Variants in YIPF4 observed in about 807,000 individuals in gnomAD.
YIPF4 encodes Yip1 domain family member 4.
Under a neutral mutation model 29.4 loss-of-function variants are expected in YIPF4, and 18 were observed. That is an observed-to-expected ratio of 0.61 (90% confidence interval 0.42 to 0.91). The LOEUF (loss-of-function observed/expected upper bound fraction) is 0.91, where lower values mean the gene tolerates loss of function less well. Ranked by LOEUF, YIPF4 falls within the 40% of genes least tolerant of loss-of-function variation. YIPF4 has a pLI of 0.00. For synonymous variants in YIPF4, 115 were observed against 104.7 expected (o/e 1.10, Z -0.60); for missense variants, 279 against 282.7 (o/e 0.99, Z 0.09).
At position 32,279,171 on chromosome 2, in the gene YIPF4, G is replaced by T. The variant is rs370064639; in HGVS notation, c.79+937G>T. On this transcript the variant is annotated intron_variant, in intron 1 of 5. Coordinates refer to ENST00000238831, the MANE Select transcript of YIPF4 (RefSeq NM_032312.4). ...TTTTTAGTAGAGATGAGGTTTCACCGTGTTAGCCATGATGGTCTCTCGATC... is the reference window on the plus strand; with the variant it reads ...TTTTTAGTAGAGATGAGGTTTCACCTTGTTAGCCATGATGGTCTCTCGATC... Among the ~76,000 whole-genome samples the T allele has an allele frequency of 2.0e-5, 3 of 151,858 alleles. No homozygotes were observed. In the South Asian group the frequency reaches 6.2e-4, roughly 32 times the overall value.
chr2:32,300,098 C>G (rs376974204), intron 4 of YIPF4, among the ~76,000 whole-genome samples: 2 of 151,888 alleles, frequency 1.3e-5, no homozygotes, highest in East Asian at 3.9e-4. Context: ...GAAACCCCAT[C>G]CCTACTAAAA....
chr2:32,300,447 A>AT (rs2031365439), intron 4 of YIPF4, among the ~76,000 whole-genome samples: 3 of 151,038 alleles, frequency 2.0e-5, no homozygotes. Context: ...AAAAAAAAAA[A>AT]AAAAAAAAGA....
At chr2:32,287,937 A>G (rs892699313) in intron 1 of YIPF4, among the ~76,000 whole-genome samples, 18 of 152,214 alleles carry the variant, frequency 1.2e-4, no homozygotes, top group African/African-American at 4.3e-4. Context: ...GAATTAACCT[A>G]AAATTCATGT....
rs559258629 is a variant in YIPF4 at position 32,293,224 on chromosome 2, A to T, written c.405+876A>T. On this transcript the variant is annotated intron_variant, in intron 3 of 5. Transcript: ENST00000238831. ...ACAAAGGTCTCTGGTTTTCCTAGGCAGAGGACCCTGCGGCCTTCTGCAGTG... is the reference window on the plus strand; with the variant it reads ...ACAAAGGTCTCTGGTTTTCCTAGGCTGAGGACCCTGCGGCCTTCTGCAGTG... Among the ~76,000 whole-genome samples, 112 of 152,284 alleles carry T rather than the reference A, an allele frequency of 7.4e-4. 1 individual carries two copies. The East Asian group carries it at 0.013, about 18-fold the overall frequency.
In YIPF4 at chr2:32,292,310, C is replaced by A; in HGVS notation, c.367C>A (p.Leu123Ile). Reference protein sequence around the residue: ...PDFWGPLAVVLFFSMISLYGQ... With the variant: ...PDFWGPLAVVIFFSMISLYGQ... ...CTTTTGGGGTCCTCTGGCTGTTGTTCTTTTCTTTTCCATGATATCATTATA... is the reference window on the plus strand; with the variant it reads ...CTTTTGGGGTCCTCTGGCTGTTGTTATTTTCTTTTCCATGATATCATTATA... Residue 123 changes from leucine to isoleucine, a missense_variant, in exon 3 of 6, where the codon CTT becomes ATT. Physicochemically the swap from Leu to Ile is conservative, Grantham distance 5 (BLOSUM62 2). Transcript: ENST00000238831. The A allele has an allele frequency of 6.3e-7, 1 of 1,599,308 alleles. No individual in the cohort carries two copies. The highest frequency in any genetic ancestry group is 8.5e-7 in the Non-Finnish European group (1 of 1,172,988).
rs2031663356 is a variant in YIPF4, at chr2:32,309,188, T to C, written c.*3562T>C. On this transcript the variant is annotated 3_prime_UTR_variant, in exon 6 of 6. Transcript: ENST00000238831. ...GTAATAATGTGTCCATTTCCAGGAA[T>C]TCCCCAAATACTCATACAGCCATTG... The C allele has an allele frequency of 6.6e-6, 1 of 152,136 alleles. No individual in the cohort carries two copies. The highest frequency in any genetic ancestry group is 1.5e-5 in the Non-Finnish European group (1 of 68,022). The allele number at this position is 152,136 out of a possible 1,614,324, so 9.4% of individuals were successfully genotyped here. A position where few individuals can be genotyped will look rare whatever the true frequency, so the allele number is the denominator to read the frequency against.
intron 4 of YIPF4, among the ~76,000 whole-genome samples, chr2:32,299,199 A>T (rs2031306574): frequency 6.6e-6 from 1 of 152,206 alleles, no homozygotes; most frequent in South Asian, 2.1e-4. Context: ...AGAAATTCTC[A>T]AACTTTGATC....
At position 32,311,171 on chromosome 2, in the gene YIPF4, A is replaced by G. The variant is rs2148970224; in HGVS notation, c.*5545A>G. ...GTAAGTAAGACCTTGTCTCTTAAAAAAAATACATTCTGAAGAAAGTTCTAC... is the reference window on the plus strand; with the variant it reads ...GTAAGTAAGACCTTGTCTCTTAAAAGAAATACATTCTGAAGAAAGTTCTAC... On this transcript the variant is annotated 3_prime_UTR_variant, in exon 6 of 6. Transcript: ENST00000238831. 6.6e-6 allele frequency: 1 copy of G among 152,348 alleles called. No homozygotes were observed. The highest frequency in any genetic ancestry group is 1.5e-5 in the Non-Finnish European group (1 of 68,030). 9.4% of individuals were successfully genotyped at this position (152,348 alleles called of 1,614,324 possible).
chr2:32,284,031 A>T (rs563539781), intron 1 of YIPF4, among the ~76,000 whole-genome samples: 103 of 152,142 alleles, frequency 6.8e-4, no homozygotes, highest in African/African-American at 2.4e-3. Context: ...GCCTAATATC[A>T]CTTCTTAATT....
chr2:32,288,516 A>G (rs933414075), intron 1 of YIPF4, among the ~76,000 whole-genome samples: 5 of 152,168 alleles, frequency 3.3e-5, no homozygotes, highest in African/African-American at 1.2e-4. Flanking sequence ...TTGTTAAGAA[A>G]AAACACTCTT....
At chr2:32,294,547 A>G (rs1310521612) in intron 3 of YIPF4, among the ~76,000 whole-genome samples, 3 of 135,070 alleles carry the variant, frequency 2.2e-5, no homozygotes, top group Non-Finnish European at 4.7e-5. Context: ...CCTAGATGGG[A>G]TGGCGGCCGG....
At position 32,307,979 on chromosome 2, in the gene YIPF4, A is replaced by ACACAGTAC. The variant is rs1201880588; in HGVS notation, c.*2354_*2361dup. The ACACAGTAC allele has an allele frequency of 2.6e-5, 4 of 151,282 alleles. No homozygotes were observed. Among genetic ancestry groups the ACACAGTAC allele is most frequent in the African/African-American group, 9.7e-5 (4 of 41,208 alleles). The allele number at this position is 151,282 out of a possible 1,614,324, so 9.4% of individuals were successfully genotyped here. On this transcript the variant is annotated 3_prime_UTR_variant, in exon 6 of 6. Coordinates refer to ENST00000238831, the MANE Select transcript of YIPF4 (RefSeq NM_032312.4). ...ACCATGATTTGTAGATGTGTGCAAG[A>ACACAGTAC]CACAGTACTGCTATGGCTAATAATG...
chr2:32,280,252 C>G (rs936979433), intron 1 of YIPF4, among the ~76,000 whole-genome samples: 3 of 151,522 alleles, frequency 2.0e-5, no homozygotes, highest in Admixed American at 6.6e-5. Context: ...CTCAGCCTCC[C>G]GAGTAGCTGG....
At chr2:32,299,951 G>C (rs1013678433) in intron 4 of YIPF4, among the ~76,000 whole-genome samples, 13 of 151,840 alleles carry the variant, frequency 8.6e-5, no homozygotes, top group Non-Finnish European at 1.6e-4. Context: ...TGGCCAGTGT[G>C]GTGAAACCCC....
Position 32,279,080 on chromosome 2 carries a change from G to T in YIPF4, c.79+846G>T, listed in dbSNP as rs538927487. On this transcript the variant is annotated intron_variant, in intron 1 of 5. Coordinates refer to ENST00000238831, the MANE Select transcript of YIPF4 (RefSeq NM_032312.4). ...CCTCCCGGGTTCACGCCATTCTCCT[G>T]CCTCAGCCTCCCGAGTAGCTGGGGC... Among the ~76,000 whole-genome samples the T allele has an allele frequency of 4.5e-3, 676 of 151,150 alleles. 5 individuals are homozygous for T. Among genetic ancestry groups the T allele is most frequent in the African/African-American group, 0.016 (651 of 41,138 alleles).
chr2:32,303,627 A>C (rs2031479774), intron 5 of YIPF4, among the ~76,000 whole-genome samples: 1 of 152,212 alleles, frequency 6.6e-6, no homozygotes, highest in East Asian at 1.9e-4. Context: ...TTGAGGCTGC[A>C]GTGAGCAGTG....
At chr2:32,299,591 G>A (rs1225620741) in intron 4 of YIPF4, among the ~76,000 whole-genome samples, 1 of 152,146 alleles carries the variant, frequency 6.6e-6, no homozygotes, top group African/African-American at 2.4e-5. Flanking sequence ...GGGGGCTGAC[G>A]CAGGAGGATC....
In YIPF4 at chr2:32,316,568, AAAATT is replaced by A. The variant is rs1377451520; in HGVS notation, c.*10945_*10949del. The A allele has an allele frequency of 6.6e-6, 1 of 152,212 alleles. No individual in the cohort carries two copies. The highest frequency in any genetic ancestry group is 2.4e-5 in the African/African-American group (1 of 41,458). The allele number at this position is 152,212 out of a possible 1,614,324, so 9.4% of individuals were successfully genotyped here. ...ATAGTATTATTGTAAGTACAACACT[AAAATT>A]AATAAATTGTGTAAATTCTAATATG... is the stretch of plus-strand genomic sequence containing the variant. On this transcript the variant is annotated 3_prime_UTR_variant, in exon 6 of 6. Coordinates refer to ENST00000238831, the MANE Select transcript of YIPF4 (RefSeq NM_032312.4).
chr2:32,281,677 C>T (rs532987939), intron 1 of YIPF4, among the ~76,000 whole-genome samples: 10 of 152,024 alleles, frequency 6.6e-5, no homozygotes, highest in African/African-American at 2.4e-4. Flanking sequence ...GGCTTAAGCT[C>T]GAGAGTTTGA....
Sources: gnomAD v4.1 joint callset for allele counts (sites outside exome capture counted in the v4.1 genomes callset) on GRCh38, gnomAD v4.1.1 for gene constraint, MANE v1.5 for transcripts, NCBI Gene and HGNC (gene_info 2026-07-23, HGNC 2026-07-21) for gene names.